Variants in LRRC9 observed in about 807,000 individuals in gnomAD.
LRRC9 encodes leucine rich repeat containing 9.
In LRRC9, 122 loss-of-function variants were observed where a neutral mutation model predicts 63.2. That is an observed-to-expected ratio of 1.93 (90% CI 1.67 to 2.24). The LOEUF (loss-of-function observed/expected upper bound fraction) is 2.24. Ranked by LOEUF, LRRC9 falls within the 30% of genes most tolerant of loss-of-function variation. The pLI, the probability that LRRC9 is intolerant of heterozygous loss-of-function variation, is 0.00. For missense variants in LRRC9, 1,071 were observed against 627.7 expected (o/e 1.71, Z -7.55); for synonymous variants, 366 against 213.1 (o/e 1.72, Z -6.25).
At chr14:59,937,386 A>G (rs12589031) in intron 6 of LRRC9, among the ~76,000 whole-genome samples, 16,105 of 152,108 alleles carry the variant, frequency 0.11, 937 homozygotes, top group South Asian at 0.26. Flanking sequence ...ATTTGGCAAT[A>G]GGGTATAATA....
chr14:60,019,085 C>A (rs1406057862), intron 25 of LRRC9, 36 bp from the exon 26 acceptor site: 1 of 631,252 alleles, frequency 1.6e-6, no homozygotes, highest in South Asian at 1.8e-5. Context: ...TTAATAATTT[C>A]TAGGATTTCT....
intron 17 of LRRC9, among the ~76,000 whole-genome samples, chr14:59,992,478 T>C (rs1056434170): frequency 6.6e-6 from 1 of 151,292 alleles, no homozygotes; most frequent in Non-Finnish European, 1.5e-5. Flanking sequence ...CTTTGATGAG[T>C]TGAGAGAAGG....
chr14:60,044,559 G>A (rs1419290692), intron 29 of LRRC9, among the ~76,000 whole-genome samples: 1 of 152,074 alleles, frequency 6.6e-6, no homozygotes, highest in African/African-American at 2.4e-5. Context: ...TGGTCATTCA[G>A]GATCATGTTG....
At chr14:59,983,084 A>C (rs1483138498) in intron 16 of LRRC9, among the ~76,000 whole-genome samples, 17 of 152,040 alleles carry the variant, frequency 1.1e-4, no homozygotes, top group Non-Finnish European at 1.2e-4. Flanking sequence ...TGCTGCTACC[A>C]CTCTATCCAA....
intron 29 of LRRC9, among the ~76,000 whole-genome samples, chr14:60,036,970 G>C (rs921389119): frequency 6.6e-6 from 1 of 152,058 alleles, no homozygotes; most frequent in Non-Finnish European, 1.5e-5. Context: ...CTGTGTCCAA[G>C]TGTTTTCATT....
At chr14:59,963,664 C>T (rs1019196259) in intron 10 of LRRC9, among the ~76,000 whole-genome samples, 1 of 152,090 alleles carries the variant, frequency 6.6e-6, no homozygotes, top group Non-Finnish European at 1.5e-5. Context: ...CTAGTTGAAG[C>T]TTCCATATCA....
At position 59,938,359 on chromosome 14, in the gene LRRC9, T is replaced by G; in HGVS notation, c.544-31T>G. 1 of 656,858 alleles carries G rather than the reference T, an allele frequency of 1.5e-6. No individual in the cohort carries two copies. The highest frequency in any genetic ancestry group is 2.8e-6 in the Non-Finnish European group (1 of 363,174). 40.7% of individuals were successfully genotyped at this position (656,858 alleles called of 1,614,324 possible). A position where few individuals can be genotyped will look rare whatever the true frequency, so the allele number is the denominator to read the frequency against. On this transcript the variant is annotated intron_variant, in intron 6 of 31. Transcript: ENST00000445360. The surrounding 1 kb of genome is among the most constrained non-coding windows in gnomAD (Gnocchi z 4.2). Reference sequence around the variant, plus strand: ...TGCCTTTAGAAATGACAGTCACAATTAACTGAACATTATCTTTGCTGGCAT... The same window carrying G: ...TGCCTTTAGAAATGACAGTCACAATGAACTGAACATTATCTTTGCTGGCAT...
chr14:59,994,754 C>T (rs1239892773), intron 17 of LRRC9, among the ~76,000 whole-genome samples: 4 of 151,752 alleles, frequency 2.6e-5, no homozygotes, highest in East Asian at 1.9e-4. Flanking sequence ...AGCAAACTAT[C>T]GCAAAGACAA....
intron 29 of LRRC9, among the ~76,000 whole-genome samples, chr14:60,049,835 T>C (rs1893743665): frequency 6.6e-6 from 1 of 152,182 alleles, no homozygotes; most frequent in Non-Finnish European, 1.5e-5. Context: ...TCCTAGATAA[T>C]ATCCTGAAGT....
At chr14:60,057,880 T>A in exon 31 of LRRC9, 1 of 667,250 alleles carries the variant, frequency 1.5e-6, no homozygotes, top group South Asian at 1.6e-5. Context: ...TTATGTAGCT[T>A]ATTCCTGTTA....
At chr14:59,953,995 T>C (rs1387677404) in intron 8 of LRRC9, among the ~76,000 whole-genome samples, 1 of 152,116 alleles carries the variant, frequency 6.6e-6, no homozygotes, top group Non-Finnish European at 1.5e-5. Flanking sequence ...ATTTCTGAGG[T>C]CTCTCTTCTG....
chr14:60,023,965 G>T (rs1346755896), intron 27 of LRRC9, among the ~76,000 whole-genome samples: 1 of 152,050 alleles, frequency 6.6e-6, no homozygotes, highest in Admixed American at 6.6e-5. Context: ...TCGCCACAAA[G>T]GACATGAACT....
In LRRC9 at chr14:60,055,731, T is replaced by TAAA. The variant is rs755671026; in HGVS notation, c.4132-2134_4132-2132dup. Among the ~76,000 whole-genome samples, 3 of 119,580 alleles carry TAAA rather than the reference T, an allele frequency of 2.5e-5. 1 individual carries two copies. The highest frequency in any genetic ancestry group is 8.5e-5 in the Admixed American group (1 of 11,708). The allele number at this position is 119,580 out of a possible 152,430, so 78.4% of individuals were successfully genotyped here. On this transcript the variant is annotated intron_variant, in intron 30 of 31. Coordinates refer to ENST00000445360, the Ensembl canonical transcript of LRRC9. Reference sequence around the variant, plus strand: ...AACATGGCAAAACCTTGTCTCTATTTAAAAAAAAAAAAAAACAAAAAAAAC... The same window carrying TAAA: ...AACATGGCAAAACCTTGTCTCTATTTAAAAAAAAAAAAAAAAAACAAAAAAAAC...
chr14:59,972,388 A>G (rs1594905960), intron 12 of LRRC9, among the ~76,000 whole-genome samples: 1 of 152,250 alleles, frequency 6.6e-6, no homozygotes, highest in South Asian at 2.1e-4. Flanking sequence ...TCATGTGTCA[A>G]TCTTCTGTGC....
chr14:60,010,830 C>T (rs1890201670), intron 23 of LRRC9, among the ~76,000 whole-genome samples: 1 of 152,166 alleles, frequency 6.6e-6, no homozygotes, highest in Admixed American at 6.5e-5. Context: ...ACTCCAGTTC[C>T]CAACAAGTTC....
At position 60,060,336 on chromosome 14, in the gene LRRC9, G is replaced by A. The variant is rs553326107; in HGVS notation, c.4276+2314G>A. ...GATGGAGAAGTACAAGGAGATGAATGTTGTTTTCATGCCTGCTAACACAAC... is the reference window on the plus strand; with the variant it reads ...GATGGAGAAGTACAAGGAGATGAATATTGTTTTCATGCCTGCTAACACAAC... On this transcript the variant is annotated intron_variant, in intron 31 of 31. Transcript: ENST00000445360. The surrounding 1 kb of genome is among the most constrained non-coding windows in gnomAD (Gnocchi z 4.0). Among the ~76,000 whole-genome samples the A allele has an allele frequency of 6.6e-5, 10 of 152,338 alleles. No individual in the cohort carries two copies. The South Asian group carries it at 2.1e-3, about 32-fold the overall frequency.
rs199682579 is a variant in LRRC9, at chr14:60,053,420, C to T, written c.4131+215C>T. Among the ~76,000 whole-genome samples the T allele has an allele frequency of 0.17, 3,806 of 22,902 alleles. 96 individuals carry two copies. Among genetic ancestry groups the T allele is most frequent in the East Asian group, 0.35 (405 of 1,144 alleles). The allele number at this position is 22,902 out of a possible 152,430, so 15.0% of individuals were successfully genotyped here. On this transcript the variant is annotated intron_variant, in intron 30 of 31. Transcript: ENST00000445360. This position sits in a 1 kb window ranked among gnomAD's most constrained non-coding sequence, Gnocchi z 4.8. ...ACACACACACACACACACACACACA[C>T]ATATATATGTAAGTCAGGGAACATC...
At chr14:59,934,689 T>A (rs1594815037) in intron 6 of LRRC9, among the ~76,000 whole-genome samples, 1 of 152,302 alleles carries the variant, frequency 6.6e-6, no homozygotes, top group East Asian at 1.9e-4. Flanking sequence ...TGTGTATCTT[T>A]CCCCTTCTAG....
At chr14:59,972,824 A>G (rs1193879786) in intron 12 of LRRC9, among the ~76,000 whole-genome samples, 1 of 152,156 alleles carries the variant, frequency 6.6e-6, no homozygotes, top group Admixed American at 6.6e-5. Context: ...ATTTTTTAAA[A>G]GTTCCATTTT....
Sources: gnomAD v4.1 joint callset for allele counts (sites outside exome capture counted in the v4.1 genomes callset) on GRCh38, gnomAD v4.1.1 for gene constraint, Gnocchi (gnomAD v3.1) non-coding constraint, MANE v1.5 for transcripts, NCBI Gene and HGNC (gene_info 2026-07-23, HGNC 2026-07-21) for gene names.